TBXAS1: variants seen among roughly 807,000 people sequenced by gnomAD.
TBXAS1 encodes thromboxane A synthase 1, also known as thromboxane-A synthase.
Under a neutral mutation model 60.7 loss-of-function variants are expected in TBXAS1, and 48 were observed. The ratio of observed to expected loss-of-function variants is 0.79; its 90% CI spans 0.63 to 1.01. The LOEUF is 1.01. Among genes scored for constraint, TBXAS1 ranks in the 50% least tolerant of loss-of-function variants. The probability of loss-of-function intolerance (pLI) is 0.00; values close to 1 mark genes in which losing one functional copy is unlikely to be tolerated. For missense variants in TBXAS1, 685 were observed against 686.3 expected (o/e 1.00, Z 0.02); for synonymous variants, 287 against 269.7 (o/e 1.06, Z -0.63).
At chr7:139,857,290 AT>A (rs1175554815) in intron 1 of TBXAS1, among the ~76,000 whole-genome samples, 2 of 152,152 alleles carry the variant, frequency 1.3e-5, no homozygotes, top group African/African-American at 4.8e-5. Context: ...AAAATATATA[AT>A]CATATAATAT....
intron 7 of TBXAS1, 163 bp from the exon 8 acceptor site, chr7:139,957,471 G>A: frequency 3.6e-6 from 3 of 833,876 alleles, no homozygotes; most frequent in Non-Finnish European, 6.0e-6. Context: ...GAGAGGGAGT[G>A]AGACATCACC....
chr7:139,858,447 T>C (rs1194652799), intron 1 of TBXAS1, among the ~76,000 whole-genome samples: 1 of 152,202 alleles, frequency 6.6e-6, no homozygotes, highest in Admixed American at 6.5e-5. Context: ...ATAGAAAGCA[T>C]GTATTTAAAC....
intron 8 of TBXAS1, among the ~76,000 whole-genome samples, chr7:139,959,547 G>A (rs191405630): frequency 3.9e-5 from 6 of 152,232 alleles, no homozygotes; most frequent in East Asian, 1.9e-4. Context: ...TCCAGTGCAC[G>A]GGCCCTGGAG....
chr7:140,015,716 C>A lies in TBXAS1; in HGVS notation c.1227-7C>A, dbSNP rs1478365322. ...TGTATCCACCCCCGACCTGGTGTTTCCCTCAGATTCACACGGGAGGCAGCT... is the reference window on the plus strand; with the variant it reads ...TGTATCCACCCCCGACCTGGTGTTTACCTCAGATTCACACGGGAGGCAGCT... On this transcript the variant is annotated splice_polypyrimidine_tract_variant and splice_region_variant and intron_variant, in intron 10 of 12. Coordinates refer to ENST00000448866, the MANE Select transcript of TBXAS1 (RefSeq NM_001061.7). The A allele has an allele frequency of 6.2e-7, 1 of 1,612,970 alleles. No homozygotes were observed. Among genetic ancestry groups the A allele is most frequent in the African/African-American group, 1.3e-5 (1 of 75,036 alleles).
chr7:139,906,625 G>A (rs1805103020), intron 3 of TBXAS1, among the ~76,000 whole-genome samples: 1 of 151,978 alleles, frequency 6.6e-6, no homozygotes, highest in Admixed American at 6.6e-5. Flanking sequence ...TTCCATATAA[G>A]TTTTGGAATA....
intron 3 of TBXAS1, among the ~76,000 whole-genome samples, chr7:139,884,580 C>T (rs1209653472): frequency 6.6e-6 from 1 of 152,196 alleles, no homozygotes; most frequent in Non-Finnish European, 1.5e-5. Context: ...TGCTAAACTT[C>T]CTGCTGTGGG....
At chr7:139,879,783 G>A (rs992243552) in intron 3 of TBXAS1, among the ~76,000 whole-genome samples, 5 of 151,440 alleles carry the variant, frequency 3.3e-5, no homozygotes, top group Non-Finnish European at 7.4e-5. Context: ...CAGGTCATTA[G>A]CAACTCCTAA....
chr7:139,949,238 A>C (rs1289180259), intron 5 of TBXAS1, among the ~76,000 whole-genome samples: 2 of 152,216 alleles, frequency 1.3e-5, no homozygotes. Context: ...TGTAAATCAC[A>C]TTTTATGTTC....
intron 5 of TBXAS1, among the ~76,000 whole-genome samples, chr7:139,951,593 TAAAAAAAAAAAAA>T (rs66551791): frequency 2.7e-4 from 18 of 66,296 alleles, no homozygotes; most frequent in Non-Finnish European, 1.9e-4. Flanking sequence ...CCGTCTCTAC[TAAAAAAAAAAAAA>T]AAAAAAAAAA....
intron 1 of TBXAS1, among the ~76,000 whole-genome samples, chr7:139,869,541 C>T (rs147875738): frequency 2.6e-5 from 4 of 152,272 alleles, no homozygotes; most frequent in African/African-American, 4.8e-5. Context: ...GCATGCAACA[C>T]TACCCCTGGC....
chr7:139,810,318 G>A (rs755593367), intron 4 of TBXAS1, among the ~76,000 whole-genome samples: 29 of 152,148 alleles, frequency 1.9e-4, no homozygotes, highest in Non-Finnish European at 3.7e-4. Context: ...ACAGAGGTGA[G>A]CCACTGTGCC....
intron 9 of TBXAS1, among the ~76,000 whole-genome samples, chr7:139,976,746 G>A (rs1347467826): frequency 2.0e-5 from 3 of 152,132 alleles, no homozygotes. Flanking sequence ...AGCCCCAGCG[G>A]ATTCTAAAAT....
chr7:139,818,632 G>T (rs553350770), intron 4 of TBXAS1, among the ~76,000 whole-genome samples: 2 of 152,132 alleles, frequency 1.3e-5, no homozygotes, highest in Non-Finnish European at 2.9e-5. Context: ...TCTACTTGAG[G>T]GTTTACCATT....
At chr7:139,864,363 T>C (rs1429864433) in intron 1 of TBXAS1, among the ~76,000 whole-genome samples, 2 of 150,834 alleles carry the variant, frequency 1.3e-5, no homozygotes, top group East Asian at 3.9e-4. Flanking sequence ...ACAGAGAAAA[T>C]AAAATCAACA....
intron 1 of TBXAS1, among the ~76,000 whole-genome samples, chr7:139,868,885 T>A (rs1365248774): frequency 6.6e-6 from 1 of 151,928 alleles, no homozygotes; most frequent in Non-Finnish European, 1.5e-5. Flanking sequence ...ACTCCTGACC[T>A]CAAGTGATCT....
At chr7:139,835,917 G>T (rs1799025991) in intron 1 of TBXAS1, among the ~76,000 whole-genome samples, 2 of 152,044 alleles carry the variant, frequency 1.3e-5, no homozygotes, top group African/African-American at 2.4e-5. Context: ...ACTGATAAAA[G>T]AATTCAGTAG....
chr7:139,813,937 C>T (rs1251805110), intron 4 of TBXAS1, among the ~76,000 whole-genome samples: 1 of 152,180 alleles, frequency 6.6e-6, no homozygotes, highest in Non-Finnish European at 1.5e-5. Flanking sequence ...GTCTCTGTTG[C>T]TTGCATGTTA....
intron 5 of TBXAS1, among the ~76,000 whole-genome samples, chr7:139,943,957 T>C (rs1263530304): frequency 6.6e-6 from 1 of 152,162 alleles, no homozygotes. Context: ...AACCCTCCTC[T>C]GACATCAGCC....
In TBXAS1 at chr7:139,892,607, C is replaced by CA. The variant is rs1803714501; in HGVS notation, c.236+16972dup. Among the ~76,000 whole-genome samples, 5 of 151,864 alleles carry CA rather than the reference C, an allele frequency of 3.3e-5. No homozygotes were observed. The South Asian group carries it at 1.0e-3, about 31-fold the overall frequency. ...GACTCTGTCTCAGAAACAAAACAAA[C>CA]AACAACAACAACAACAAAACAAAAC... is the stretch of plus-strand genomic sequence containing the variant. On this transcript the variant is annotated intron_variant, in intron 3 of 12. Coordinates refer to ENST00000448866, the MANE Select transcript of TBXAS1 (RefSeq NM_001061.7).
Sources: allele counts gnomAD v4.1 joint callset (sites outside exome capture counted in the v4.1 genomes callset), GRCh38; gene constraint gnomAD v4.1.1; transcripts MANE v1.5; gene names NCBI Gene and HGNC (gene_info 2026-07-23, HGNC 2026-07-21).